The following FREM1 variants were observed in gnomAD, a reference collection of about 807,000 sequenced individuals.
FREM1 encodes the protein FRAS1 related extracellular matrix 1.
FREM1 carries 220 observed loss-of-function variants against 210.1 expected under a neutral mutation model. That is an observed-to-expected ratio of 1.05 (90% confidence interval 0.94 to 1.17). The LOEUF is 1.17. Ranked by LOEUF, FREM1 falls within the 50% of genes most tolerant of loss-of-function variation. FREM1 has a pLI of 0.00. For synonymous variants in FREM1, 1,189 were observed against 980.2 expected (o/e 1.21, Z -3.98); for missense variants, 3,454 against 2,675.5 (o/e 1.29, Z -6.42).
At chr9:14,891,735 G>C (rs1421282373) in intron 1 of FREM1, among the ~76,000 whole-genome samples, 4 of 152,164 alleles carry the variant, frequency 2.6e-5, no homozygotes, top group African/African-American at 9.7e-5. Context: ...AGGTGCATAG[G>C]AAAAGTAAGG....
Position 14,784,754 on chromosome 9 carries a change from G to A in FREM1, c.4178-120C>T, listed in dbSNP as rs903162670. 5.0e-5 allele frequency: 30 copies of A among 600,766 alleles called. No homozygotes were observed. In the Middle Eastern group the frequency reaches 1.4e-3, roughly 28 times the overall value. The allele number at this position is 600,766 out of a possible 1,614,324, so 37.2% of individuals were successfully genotyped here. ...ATCAAAATTAATACGACATAGAAAG[G>A]TTTATATAACTATTATGAATAAAAA... is the stretch of plus-strand genomic sequence containing the variant. On this transcript the variant is annotated intron_variant, in intron 23 of 36. Coordinates refer to ENST00000380880, the MANE Select transcript of FREM1 (RefSeq NM_001379081.2).
chr9:14,855,003 T>C (rs1828463272), intron 5 of FREM1, among the ~76,000 whole-genome samples: 2 of 152,240 alleles, frequency 1.3e-5, no homozygotes, highest in South Asian at 2.1e-4. Flanking sequence ...AAATAATTTA[T>C]AGTTCTAATT....
rs1825849841 is a variant in FREM1 at position 14,842,432 on chromosome 9, T to G, written c.1622A>C (p.Gln541Pro). The G allele has an allele frequency of 6.2e-7, 1 of 1,613,880 alleles. No homozygotes were observed. Among genetic ancestry groups the G allele is most frequent in the Non-Finnish European group, 8.5e-7 (1 of 1,179,854 alleles). ...ATCTGAAGCTCGCAGCATGGATCCCTGGATCAGGATGGTCTGCCCCTCCTC... is the reference window on the plus strand; with the variant it reads ...ATCTGAAGCTCGCAGCATGGATCCCGGGATCAGGATGGTCTGCCCCTCCTC... Reference protein sequence around the residue: ...ELEEGQTILIQGSMLRASDVD... With the variant: ...ELEEGQTILIPGSMLRASDVD... The change falls in exon 9 of 37, where the codon CAG becomes CCG. Residue 541 changes from glutamine to proline, a missense_variant. Transcript: ENST00000380880.
chr9:14,834,413 G>T (rs918086325), intron 10 of FREM1, among the ~76,000 whole-genome samples: 1 of 152,138 alleles, frequency 6.6e-6, no homozygotes, highest in Non-Finnish European at 1.5e-5. Context: ...TAGTAAAAGG[G>T]TTACAAAAGG....
Position 14,851,487 on chromosome 9 carries a change from T to C in FREM1, c.949A>G (p.Thr317Ala). Residue 317 changes from threonine to alanine, a missense_variant, in exon 6 of 37, where the codon ACA (threonine) becomes GCA (alanine). Coordinates refer to ENST00000380880, the MANE Select transcript of FREM1 (RefSeq NM_001379081.2). ...TCTTCTTCACAGTCCAGAACTGATGTAGTCAAGGAGGTCAGGATGAACTGA... is the reference window on the plus strand; with the variant it reads ...TCTTCTTCACAGTCCAGAACTGATGCAGTCAAGGAGGTCAGGATGAACTGA... Reference protein sequence around the residue: ...VDQFILTSLTTSVLDCEEDET... With the variant: ...VDQFILTSLTASVLDCEEDET... 6.2e-7 allele frequency: 1 copy of C among 1,613,974 alleles called. No individual in the cohort carries two copies. The highest frequency in any genetic ancestry group is 8.5e-7 in the Non-Finnish European group (1 of 1,179,840).
At chr9:14,862,189 A>G (rs568740780) in intron 3 of FREM1, among the ~76,000 whole-genome samples, 103 of 152,256 alleles carry the variant, frequency 6.8e-4, no homozygotes, top group Non-Finnish European at 1.4e-3. Flanking sequence ...TTTGCCTTAG[A>G]CTACAAGCAC....
chr9:14,766,859 C>T (rs1846513353), intron 27 of FREM1, among the ~76,000 whole-genome samples: 2 of 152,196 alleles, frequency 1.3e-5, no homozygotes, highest in Non-Finnish European at 2.9e-5. Context: ...ATTGACTGTT[C>T]ACTTTGTGAT....
At chr9:14,772,668 A>T (rs562109791) in intron 25 of FREM1, among the ~76,000 whole-genome samples, 16 of 152,300 alleles carry the variant, frequency 1.1e-4, no homozygotes, top group Admixed American at 2.0e-4. Flanking sequence ...CCTCTCCTGA[A>T]GAGTATGGGT....
intron 1 of FREM1, among the ~76,000 whole-genome samples, chr9:14,906,406 T>G (rs1222151152): frequency 1.3e-5 from 2 of 152,288 alleles, no homozygotes; most frequent in Non-Finnish European, 2.9e-5. Context: ...CATCCTACCA[T>G]GTGATAATAA....
At chr9:14,751,345 T>C (rs967971674) in intron 29 of FREM1, among the ~76,000 whole-genome samples, 3 of 152,170 alleles carry the variant, frequency 2.0e-5, no homozygotes, top group African/African-American at 7.2e-5. Flanking sequence ...TTAAAAAGTC[T>C]TCTCTTAAAA....
chr9:14,740,090 C>G, intron 36 of FREM1, 59 bp downstream of exon 36: 1 of 1,057,952 alleles, frequency 9.5e-7, no homozygotes, highest in Non-Finnish European at 1.4e-6. Context: ...GGTGGTGGTG[C>G]CTGTTTGTTT....
intron 23 of FREM1, among the ~76,000 whole-genome samples, chr9:14,786,701 G>A (rs193228220): frequency 2.2e-4 from 33 of 152,290 alleles, no homozygotes; most frequent in African/African-American, 7.7e-4. Flanking sequence ...ATTGGAAAAC[G>A]CTATTTCAGA....
At chr9:14,875,157 C>T (rs970437228) in intron 1 of FREM1, among the ~76,000 whole-genome samples, 13 of 152,264 alleles carry the variant, frequency 8.5e-5, no homozygotes, top group African/African-American at 3.1e-4. Flanking sequence ...TGGAGTTGCT[C>T]TTCTCGAGGA....
intron 29 of FREM1, among the ~76,000 whole-genome samples, chr9:14,752,165 C>A (rs1282578692): frequency 6.6e-6 from 1 of 151,682 alleles, no homozygotes; most frequent in African/African-American, 2.4e-5. Flanking sequence ...AGCTTAAAAT[C>A]TTTTGGGGGA....
At position 14,793,071 on chromosome 9, in the gene FREM1, A is replaced by C. The variant is rs767460021; in HGVS notation, c.3840-187T>G. On this transcript the variant is annotated intron_variant, in intron 21 of 36. Transcript: ENST00000380880. ...CTCTACCCTCACACGTGAAAGTCTG[A>C]AAAGACAATGGGTCAGCCCTAATGA... 3.3e-5 allele frequency among the ~76,000 whole-genome samples: 5 copies of C among 152,372 alleles called. No homozygotes were observed. The East Asian group carries it at 9.6e-4, about 29-fold the overall frequency.
At chr9:14,811,503 T>C (rs1819400527) in intron 16 of FREM1, among the ~76,000 whole-genome samples, 1 of 152,190 alleles carries the variant, frequency 6.6e-6, no homozygotes, top group Admixed American at 6.5e-5. Flanking sequence ...GAGTACCTAG[T>C]GGTGAACTCC....
intron 27 of FREM1, among the ~76,000 whole-genome samples, chr9:14,761,101 G>T (rs1845416624): frequency 6.6e-6 from 1 of 151,830 alleles, no homozygotes; most frequent in South Asian, 2.1e-4. Flanking sequence ...AGAAATTCTG[G>T]GTGCCACCAT....
chr9:14,824,090 T>C lies in FREM1; in HGVS notation c.2104A>G (p.Met702Val), dbSNP rs7864984. ...ACTACTTTTGGTATGCTGTCCACCA[T>C]AAATAATTTCCCAGCATCCAAGTGT... Reference protein sequence around the residue: ...HRHLDAGKLFMVDSIPKVVKN... With the variant: ...HRHLDAGKLFVVDSIPKVVKN... Residue 702 changes from methionine to valine, a missense_variant, in exon 12 of 37, where the codon ATG becomes GTG. Coordinates refer to ENST00000380880, the MANE Select transcript of FREM1 (RefSeq NM_001379081.2). 10,695 of 1,585,630 alleles carry C rather than the reference T, an allele frequency of 6.7e-3. 480 individuals carry two copies. In the African/African-American group the frequency reaches 0.11, roughly 16 times the overall value.
intron 13 of FREM1, among the ~76,000 whole-genome samples, chr9:14,820,377 TAA>T (rs2130735972): frequency 6.6e-6 from 1 of 152,280 alleles, no homozygotes; most frequent in South Asian, 2.1e-4. Context: ...GGTGGTCTAG[TAA>T]GGTGCCCTGT....
Sources: gnomAD v4.1 joint callset for allele counts (sites outside exome capture counted in the v4.1 genomes callset) on GRCh38, gnomAD v4.1.1 for gene constraint, MANE v1.5 for transcripts, NCBI Gene and HGNC (gene_info 2026-07-23, HGNC 2026-07-21) for gene names.